CIAO1: variants seen among roughly 807,000 people sequenced by gnomAD.
CIAO1 encodes probable cytosolic iron-sulfur protein assembly protein CIAO1.
In CIAO1, 32 loss-of-function variants were observed where a neutral mutation model predicts 43.1. The ratio of observed to expected loss-of-function variants is 0.74; its 90% CI spans 0.56 to 1.00. The LOEUF (loss-of-function observed/expected upper bound fraction) is 1.00, where lower values mean the gene tolerates loss of function less well. Ranked by LOEUF, CIAO1 falls within the 50% of genes least tolerant of loss-of-function variation. The probability of loss-of-function intolerance (pLI) is 0.00; values close to 1 mark genes in which losing one functional copy is unlikely to be tolerated. For missense variants in CIAO1, 415 were observed against 437.4 expected (o/e 0.95, Z 0.46); for synonymous variants, 183 against 171.4 (o/e 1.07, Z -0.53).
At chr2:96,267,809 C>T (rs1368720582) in intron 3 of CIAO1, 27 bp from the exon 4 acceptor site, 1 of 1,613,262 alleles carries the variant, frequency 6.2e-7, no homozygotes, top group South Asian at 1.1e-5. Flanking sequence ...AGGGTCGGCT[C>T]TTGGGTCCCC....
intron 5 of CIAO1, chr2:96,269,009 C>T (rs577813444): frequency 1.8e-4 from 105 of 580,358 alleles, no homozygotes; most frequent in Middle Eastern, 9.2e-4. Context: ...TGGGTTGGGT[C>T]GGCTGGTGGG....
At position 96,273,160 on chromosome 2, in the gene CIAO1, A is replaced by T. The variant is rs925392731; in HGVS notation, c.*1809A>T. The T allele has an allele frequency of 6.6e-6, 1 of 152,226 alleles. No individual in the cohort carries two copies. Among genetic ancestry groups the T allele is most frequent in the Non-Finnish European group, 1.5e-5 (1 of 68,044 alleles). The allele number at this position is 152,226 out of a possible 1,614,324, so 9.4% of individuals were successfully genotyped here. A position where few individuals can be genotyped will look rare whatever the true frequency, so the allele number is the denominator to read the frequency against. On this transcript the variant is annotated 3_prime_UTR_variant, in exon 7 of 7. Coordinates refer to ENST00000488633, the MANE Select transcript of CIAO1 (RefSeq NM_004804.3). ...TCCACCATGAGCTTTATTGTTGGGG[A>T]TATTAACAAATGTGATTTGTATAAT...
chr2:96,273,701 G>A lies in CIAO1; in HGVS notation c.*2350G>A, dbSNP rs1206940860. ...AAAAAAAAAAATCACTTGTAGTCTT[G>A]GTGTGGTATCAAAGAATAGCCACAA... On this transcript the variant is annotated 3_prime_UTR_variant, in exon 7 of 7. Coordinates refer to ENST00000488633, the MANE Select transcript of CIAO1 (RefSeq NM_004804.3). 1.3e-5 allele frequency among the ~76,000 whole-genome samples: 2 copies of A among 150,836 alleles called. No individual in the cohort carries two copies. The highest frequency in any genetic ancestry group is 4.2e-4 in the South Asian group (2 of 4,792).
rs899180396 is a variant in CIAO1 at position 96,273,216 on chromosome 2, A to C, written c.*1865A>C. On this transcript the variant is annotated 3_prime_UTR_variant, in exon 7 of 7. Coordinates refer to ENST00000488633, the MANE Select transcript of CIAO1 (RefSeq NM_004804.3). ...GCATTTCATTTGGAAGAATTCAATGAACCATTTTTCCAAGTGACCAGTACG... is the reference window on the plus strand; with the variant it reads ...GCATTTCATTTGGAAGAATTCAATGCACCATTTTTCCAAGTGACCAGTACG... 14 of 152,230 alleles carry C rather than the reference A, an allele frequency of 9.2e-5. No individual in the cohort carries two copies. Among genetic ancestry groups the C allele is most frequent in the Non-Finnish European group, 1.5e-4 (10 of 68,042 alleles). The allele number at this position is 152,230 out of a possible 1,614,324, so 9.4% of individuals were successfully genotyped here. A position where few individuals can be genotyped will look rare whatever the true frequency, so the allele number is the denominator to read the frequency against.
At chr2:96,269,415 A>C in intron 6 of CIAO1, 60 bp downstream of exon 6, 1 of 1,501,976 alleles carries the variant, frequency 6.7e-7, no homozygotes, top group South Asian at 1.1e-5. Flanking sequence ...TAGAGAAGGC[A>C]TACCCTATGC....
At position 96,267,909 on chromosome 2, in the gene CIAO1, G is replaced by A. The variant is rs779741693; in HGVS notation, c.474G>A (p.Trp158Ter). Residue 158 changes from tryptophan to a stop codon, truncating the protein, a stop_gained, in exon 4 of 7, where the codon TGG becomes TGA. Transcript: ENST00000488633. LOFTEE classifies it high-confidence loss of function. ...SHTQDVKHVV[W>*]HPSQELLASA... ...CACAGGATGTCAAGCATGTGGTTTG[G>A]CACCCAAGTCAGGAGGTAAGAGTCA... The A allele has an allele frequency of 1.1e-5, 17 of 1,614,086 alleles. No homozygotes were observed. Among genetic ancestry groups the A allele is most frequent in the Non-Finnish European group, 8.5e-6 (10 of 1,179,960 alleles).
At chr2:96,271,018 T>A in intron 6 of CIAO1, 93 bp from the exon 7 acceptor site, 1 of 1,519,720 alleles carries the variant, frequency 6.6e-7, no homozygotes, top group East Asian at 2.3e-5. Context: ...AGCTGAGGCC[T>A]GAAGTTAGGG....
In CIAO1 at chr2:96,273,118, T is replaced by C. The variant is rs1431967824; in HGVS notation, c.*1767T>C. The C allele has an allele frequency of 2.0e-5, 3 of 152,228 alleles. No homozygotes were observed. Among genetic ancestry groups the C allele is most frequent in the Non-Finnish European group, 4.4e-5 (3 of 68,046 alleles). 9.4% of individuals were successfully genotyped at this position (152,228 alleles called of 1,614,324 possible). ...TAAAGCTTTCAAGCAAAAATTGGAA[T>C]TTCCGAAAATCTGTACTCCACCATG... On this transcript the variant is annotated 3_prime_UTR_variant, in exon 7 of 7. Coordinates refer to ENST00000488633, the MANE Select transcript of CIAO1 (RefSeq NM_004804.3).
intron 6 of CIAO1, among the ~76,000 whole-genome samples, 177 bp from the exon 7 acceptor site, chr2:96,270,934 A>G (rs1014408624): frequency 6.6e-6 from 1 of 152,164 alleles, no homozygotes; most frequent in East Asian, 1.9e-4. Flanking sequence ...ACTAGATTGC[A>G]GCATCTGAAG....
In CIAO1 at chr2:96,273,778, G is replaced by C. The variant is rs1042498036; in HGVS notation, c.*2427G>C. Among the ~76,000 whole-genome samples, 1 of 151,866 alleles carries C rather than the reference G, an allele frequency of 6.6e-6. No homozygotes were observed. The highest frequency in any genetic ancestry group is 6.6e-5 in the Admixed American group (1 of 15,244). Reference sequence around the variant, plus strand: ...TTTTCCAACTGCGTATCTGTGTGAAGTCAACTTACTTCAACAAAAAAGTTT... The same window carrying C: ...TTTTCCAACTGCGTATCTGTGTGAACTCAACTTACTTCAACAAAAAAGTTT... On this transcript the variant is annotated 3_prime_UTR_variant, in exon 7 of 7. Coordinates refer to ENST00000488633, the MANE Select transcript of CIAO1 (RefSeq NM_004804.3).
At position 96,267,376 on chromosome 2, in the gene CIAO1, G is replaced by A. The variant is rs762930443; in HGVS notation, c.195G>A (p.Arg65=). 3 of 1,614,208 alleles carry A rather than the reference G, an allele frequency of 1.9e-6. No individual in the cohort carries two copies. The highest frequency in any genetic ancestry group is 1.7e-6 in the Non-Finnish European group (2 of 1,180,040). The change falls in exon 2 of 7, where the codon CGG becomes CGA. Residue 65 remains arginine (R), a synonymous_variant. Transcript: ENST00000488633. ...CTGAAGGCCACCAGCGCACCGTGCG[G>A]AAGGTAGCCTGGTCCCCCTGCGGTA... ...VLSEGHQRTV[R]KVAWSPCGNY...
At chr2:96,266,769 C>CTGGA (rs1440049928) in intron 1 of CIAO1, among the ~76,000 whole-genome samples, 1 of 152,198 alleles carries the variant, frequency 6.6e-6, no homozygotes, top group Non-Finnish European at 1.5e-5. Context: ...TAACTTGCGA[C>CTGGA]TGGATGGTCA....
rs768637522 is a variant in CIAO1 at position 96,267,477 on chromosome 2, G to A, written c.288+8G>A. Reference sequence around the variant, plus strand: ...AACCAGGATGACTTTGAGGTACCCAGGCTGGTTGGGACCAGAATTATTGCC... The same window carrying A: ...AACCAGGATGACTTTGAGGTACCCAAGCTGGTTGGGACCAGAATTATTGCC... On this transcript the variant is annotated splice_region_variant and intron_variant, in intron 2 of 6. Coordinates refer to ENST00000488633, the MANE Select transcript of CIAO1 (RefSeq NM_004804.3). 6.2e-7 allele frequency: 1 copy of A among 1,613,902 alleles called. No homozygotes were observed. Among genetic ancestry groups the A allele is most frequent in the Non-Finnish European group, 8.5e-7 (1 of 1,179,788 alleles).
Position 96,271,568 on chromosome 2 carries a change from T to TTA in CIAO1, c.*220_*221dup. ...AGAGCTACAGAACATGAGTACATTG[T>TTA]TATACCACAGATTTTTCTTGCATTA... On this transcript the variant is annotated 3_prime_UTR_variant, in exon 7 of 7. Coordinates refer to ENST00000488633, the MANE Select transcript of CIAO1 (RefSeq NM_004804.3). 1.8e-6 allele frequency: 1 copy of TTA among 561,496 alleles called. No individual in the cohort carries two copies. The highest frequency in any genetic ancestry group is 3.1e-6 in the Non-Finnish European group (1 of 320,212). The allele number at this position is 561,496 out of a possible 1,614,324, so 34.8% of individuals were successfully genotyped here.
intron 4 of CIAO1, 114 bp from the exon 5 acceptor site, chr2:96,268,343 C>G: frequency 2.2e-6 from 2 of 925,388 alleles, no homozygotes; most frequent in Non-Finnish European, 3.3e-6. Context: ...CAACAGCAAA[C>G]TTCATCTCAA....
chr2:96,269,469 C>T lies in CIAO1; in HGVS notation c.779+114C>T. On this transcript the variant is annotated intron_variant, in intron 6 of 6. Coordinates refer to ENST00000488633, the MANE Select transcript of CIAO1 (RefSeq NM_004804.3). ...GGGAGTGCTTGGGAATTGAGGGCAG[C>T]CACCCCCATTCCTTATCAGGCCTGA... The T allele has an allele frequency of 4.2e-6, 4 of 943,432 alleles. No individual in the cohort carries two copies. The Admixed American group carries it at 7.4e-5, about 18-fold the overall frequency. 58.4% of individuals were successfully genotyped at this position (943,432 alleles called of 1,614,324 possible). A position where few individuals can be genotyped will look rare whatever the true frequency, so the allele number is the denominator to read the frequency against.
chr2:96,269,068 A>G (rs910788666), intron 5 of CIAO1, 200 bp from the exon 6 acceptor site: 15 of 615,140 alleles, frequency 2.4e-5, no homozygotes, highest in African/African-American at 1.5e-4. Flanking sequence ...GCAACAGAAC[A>G]GGGATGTTTC....
chr2:96,268,622 C>T lies in CIAO1; in HGVS notation c.655C>T (p.Arg219Cys), dbSNP rs747856302. The change falls in exon 5 of 7, where the codon CGT becomes TGT. Residue 219 changes from arginine (R) to cysteine (C), a missense_variant. By Grantham distance (180) the Arg-to-Cys change is radical. Coordinates refer to ENST00000488633, the MANE Select transcript of CIAO1 (RefSeq NM_004804.3). ...GTCTTGTAGTGATGACCGTACTGTG[C>T]GTATCTGGCGTCAGTATCTACCAGG... ...LASCSDDRTV[R>C]IWRQYLPGNE... is the part of the protein sequence containing the mutation. The T allele has an allele frequency of 2.6e-5, 42 of 1,613,988 alleles. No homozygotes were observed. The highest frequency in any genetic ancestry group is 3.3e-5 in the South Asian group (3 of 91,080).
At position 96,266,668 on chromosome 2, in the gene CIAO1, C is replaced by A. The variant is rs190644499; in HGVS notation, c.139+179C>A. 2.6e-5 allele frequency among the ~76,000 whole-genome samples: 4 copies of A among 152,296 alleles called. No homozygotes were observed. The East Asian group carries it at 7.7e-4, about 29-fold the overall frequency. On this transcript the variant is annotated intron_variant, in intron 1 of 6. Transcript: ENST00000488633. ...CTGCGACTGTTGGGAGGAAAAACGTCAGCAGACAAGCTGAAATGTCAAGGG... is the reference window on the plus strand; with the variant it reads ...CTGCGACTGTTGGGAGGAAAAACGTAAGCAGACAAGCTGAAATGTCAAGGG...
Sources: allele counts gnomAD v4.1 joint callset (sites outside exome capture counted in the v4.1 genomes callset), GRCh38; gene constraint gnomAD v4.1.1; transcripts MANE v1.5; gene names NCBI Gene and HGNC (gene_info 2026-07-23, HGNC 2026-07-21).